The following CAMTA1 variants were observed in gnomAD, a reference collection of about 807,000 sequenced individuals.
CAMTA1 encodes the protein calmodulin-binding transcription activator 1.
CAMTA1 carries 27 observed loss-of-function variants against 170.9 expected under a neutral mutation model. The ratio of observed to expected loss-of-function variants is 0.16; its 90% CI spans 0.12 to 0.22. The LOEUF (loss-of-function observed/expected upper bound fraction) is 0.22, where lower values mean the gene tolerates loss of function less well. CAMTA1 is among the 10% of genes least tolerant of loss of function. The probability of loss-of-function intolerance (pLI) is 1.00; values close to 1 mark genes in which losing one functional copy is unlikely to be tolerated. For synonymous variants in CAMTA1, 833 were observed against 891.5 expected (o/e 0.93, Z 1.17); for missense variants, 1,619 against 2,217.2 (o/e 0.73, Z 5.42).
At chr1:6,847,611 T>C (rs1160342294) in intron 3 of CAMTA1, among the ~76,000 whole-genome samples, 1 of 151,904 alleles carries the variant, frequency 6.6e-6, no homozygotes, top group Admixed American at 6.6e-5. Context: ...TGATTTCGGC[T>C]GACTGCAACC....
At chr1:7,655,636 ATACACACAC>A (rs1485124407) in intron 7 of CAMTA1, among the ~76,000 whole-genome samples, 4 of 69,116 alleles carry the variant, frequency 5.8e-5, no homozygotes, top group African/African-American at 2.3e-4. Context: ...ACACACACCT[ATACACACAC>A]TACACACCCA....
chr1:7,481,188 G>C (rs72642883), intron 6 of CAMTA1, among the ~76,000 whole-genome samples: 8,448 of 152,194 alleles, frequency 0.056, 270 homozygotes, highest in South Asian at 0.14. Flanking sequence ...CCACAAAGCG[G>C]TGGGGGCAGC....
intron 7 of CAMTA1, among the ~76,000 whole-genome samples, chr1:7,650,779 G>A (rs939386717): frequency 2.0e-5 from 3 of 152,246 alleles, no homozygotes; most frequent in Non-Finnish European, 4.4e-5. Context: ...GTTGAGTGGT[G>A]AGATCGGGAA....
At chr1:7,493,305 A>ACACACG in intron 6 of CAMTA1, among the ~76,000 whole-genome samples, 1 of 94,542 alleles carries the variant, frequency 1.1e-5, no homozygotes, top group Admixed American at 1.0e-4. Context: ...AAACATACAA[A>ACACACG]TGCGCACACA....
intron 4 of CAMTA1, among the ~76,000 whole-genome samples, chr1:7,230,833 T>G (rs1662659834): frequency 6.6e-6 from 1 of 151,920 alleles, no homozygotes; most frequent in Non-Finnish European, 1.5e-5. Context: ...CCGCAATGTC[T>G]CTAGGAGCTG....
intron 3 of CAMTA1, among the ~76,000 whole-genome samples, chr1:6,881,601 C>T (rs766805404): frequency 2.0e-5 from 3 of 152,110 alleles, no homozygotes; most frequent in Admixed American, 6.5e-5. Flanking sequence ...GGGCTTGGCA[C>T]GGTCTTTTGG....
At chr1:7,583,556 G>A (rs1200084117) in intron 6 of CAMTA1, among the ~76,000 whole-genome samples, 1 of 152,138 alleles carries the variant, frequency 6.6e-6, no homozygotes, top group South Asian at 2.1e-4. Context: ...AACGAGGTGT[G>A]GGGTAGGACC....
chr1:7,666,872 G>GTTGTTTTGTTTTGTT (rs199791433), intron 9 of CAMTA1, among the ~76,000 whole-genome samples: 20 of 151,614 alleles, frequency 1.3e-4, no homozygotes, highest in African/African-American at 4.9e-4. Context: ...CCCTGCTGTT[G>GTTGTTTTGTTTTGTT]TTGTTTTGTT....
intron 5 of CAMTA1, among the ~76,000 whole-genome samples, chr1:7,420,888 C>T (rs1213279458): frequency 6.6e-6 from 1 of 152,174 alleles, no homozygotes; most frequent in Non-Finnish European, 1.5e-5. Flanking sequence ...TCATCCTGGA[C>T]TTGAGCCTGA....
At chr1:7,079,980 T>C (rs930900258) in intron 3 of CAMTA1, among the ~76,000 whole-genome samples, 5 of 152,224 alleles carry the variant, frequency 3.3e-5, no homozygotes, top group African/African-American at 1.2e-4. Flanking sequence ...TTGTTTTACA[T>C]CTTGAATATG....
intron 3 of CAMTA1, among the ~76,000 whole-genome samples, chr1:7,031,695 A>G (rs941390132): frequency 2.6e-5 from 4 of 152,076 alleles, no homozygotes; most frequent in African/African-American, 7.2e-5. Flanking sequence ...GCGTGCCACC[A>G]TGCCCAGCTA....
intron 6 of CAMTA1, among the ~76,000 whole-genome samples, chr1:7,640,009 A>G: frequency 6.6e-6 from 1 of 152,070 alleles, no homozygotes; most frequent in Admixed American, 6.5e-5. Context: ...GAGGTCAGGG[A>G]TGTTGGGCTG....
At chr1:7,311,757 G>T (rs1178504194) in intron 5 of CAMTA1, among the ~76,000 whole-genome samples, 1 of 152,170 alleles carries the variant, frequency 6.6e-6, no homozygotes, top group Non-Finnish European at 1.5e-5. Context: ...GGTTCAGGCT[G>T]CAGGTTTCAG....
chr1:7,383,524 G>A (rs2087586179), intron 5 of CAMTA1, among the ~76,000 whole-genome samples: 1 of 152,140 alleles, frequency 6.6e-6, no homozygotes, highest in Admixed American at 6.5e-5. Flanking sequence ...AATGGGCGTA[G>A]GATATCTACT....
chr1:7,751,127 G>A lies in CAMTA1; in HGVS notation c.4690-72G>A, dbSNP rs189731713. 4 of 1,215,150 alleles carry A rather than the reference G, an allele frequency of 3.3e-6. No homozygotes were observed. In the East Asian group the frequency reaches 9.4e-5, roughly 28 times the overall value. The allele number at this position is 1,215,150 out of a possible 1,614,324, so 75.3% of individuals were successfully genotyped here. A position where few individuals can be genotyped will look rare whatever the true frequency, so the allele number is the denominator to read the frequency against. On this transcript the variant is annotated intron_variant, in intron 19 of 22. Coordinates refer to ENST00000303635, the MANE Select transcript of CAMTA1 (RefSeq NM_015215.4). ...AGCATTTTCTCTTCTTCCCTTCCCG[G>A]TAAGCTCGAAGGACGCTGAGCCCGT...
chr1:7,531,421 T>C (rs2094491424), intron 6 of CAMTA1, among the ~76,000 whole-genome samples: 2 of 152,306 alleles, frequency 1.3e-5, no homozygotes, highest in Middle Eastern at 6.8e-3. Flanking sequence ...TGCTGAGTGC[T>C]TTGCCAGGCA....
chr1:7,752,466 T>C lies in CAMTA1; in HGVS notation c.4891T>C (p.Leu1631=). Reference sequence around the variant, plus strand: ...ATATTCTGACTTTTTCAGGAGCAGTTTGCTAACCAAAAAGCAGGATCAAGC... The same window carrying C: ...ATATTCTGACTTTTTCAGGAGCAGTCTGCTAACCAAAAAGCAGGATCAAGC... The part of the protein sequence containing the change: ...VIVQQKLRSS[L]LTKKQDQAAR... Residue 1631 remains leucine, a synonymous_variant, in exon 21 of 23, where the codon TTG becomes CTG. Coordinates refer to ENST00000303635, the MANE Select transcript of CAMTA1 (RefSeq NM_015215.4). 6.2e-7 allele frequency: 1 copy of C among 1,613,840 alleles called. No homozygotes were observed. The highest frequency in any genetic ancestry group is 8.5e-7 in the Non-Finnish European group (1 of 1,179,902).
At chr1:6,947,336 G>A (rs75009287) in intron 3 of CAMTA1, among the ~76,000 whole-genome samples, 3,162 of 152,020 alleles carry the variant, frequency 0.021, 124 homozygotes, top group African/African-American at 0.073. Flanking sequence ...GCATCCCATG[G>A]AAAACATGGG....
chr1:7,410,737 C>T (rs560331727), intron 5 of CAMTA1, among the ~76,000 whole-genome samples: 7 of 152,240 alleles, frequency 4.6e-5, no homozygotes, highest in African/African-American at 7.2e-5. Flanking sequence ...GCTGGAAATA[C>T]GGAGCCCTGA....
Sources: allele counts gnomAD v4.1 joint callset (sites outside exome capture counted in the v4.1 genomes callset), GRCh38; gene constraint gnomAD v4.1.1; transcripts MANE v1.5; gene names NCBI Gene and HGNC (gene_info 2026-07-23, HGNC 2026-07-21).